Variants in ERC2 observed in about 807,000 individuals in gnomAD.
ERC2 encodes ELKS/RAB6-interacting/CAST family member 2, also known as ERC protein 2.
Under a neutral mutation model 114.8 loss-of-function variants are expected in ERC2, and 42 were observed. The ratio of observed to expected loss-of-function variants is 0.37; its 90% CI spans 0.29 to 0.47. The LOEUF (loss-of-function observed/expected upper bound fraction) is 0.47, where lower values mean the gene tolerates loss of function less well. Among genes scored for constraint, ERC2 ranks in the 20% least tolerant of loss-of-function variants. The pLI is 0.99. For synonymous variants in ERC2, 454 were observed against 425.5 expected (o/e 1.07, Z -0.82); for missense variants, 939 against 1,150.7 (o/e 0.82, Z 2.66).
At chr3:55,689,530 C>T (rs561291581) in intron 16 of ERC2, among the ~76,000 whole-genome samples, 5 of 152,246 alleles carry the variant, frequency 3.3e-5, no homozygotes, top group South Asian at 2.1e-4. Context: ...GCTTTATTTT[C>T]GCTCCTTCAT....
intron 12 of ERC2, 151 bp downstream of exon 12, chr3:55,985,826 T>C: frequency 1.5e-6 from 1 of 671,878 alleles, no homozygotes; most frequent in Non-Finnish European, 2.5e-6. Flanking sequence ...TTTCATAAAA[T>C]AAACCTTCCC....
At chr3:55,648,505 CT>C in intron 17 of ERC2, among the ~76,000 whole-genome samples, 1 of 152,330 alleles carries the variant, frequency 6.6e-6, no homozygotes, top group East Asian at 1.9e-4. Context: ...GATGACAGTT[CT>C]GTGGGAGCCA....
chr3:55,718,151 T>C (rs2064235571), intron 15 of ERC2, among the ~76,000 whole-genome samples: 2 of 152,190 alleles, frequency 1.3e-5, no homozygotes, highest in Non-Finnish European at 2.9e-5. Context: ...GAATTTATGA[T>C]GGATTTGTCC....
chr3:55,789,712 G>A (rs932077515), intron 14 of ERC2, among the ~76,000 whole-genome samples: 1 of 152,136 alleles, frequency 6.6e-6, no homozygotes, highest in African/African-American at 2.4e-5. Flanking sequence ...GAAGAGAAAG[G>A]CACTACAGAA....
In ERC2 at chr3:56,062,075, A is replaced by C. The variant is rs138751380; in HGVS notation, c.1641+18742T>G. On this transcript the variant is annotated intron_variant, in intron 7 of 17. Transcript: ENST00000288221. ...TTTTGTTCATTGGCTTATGCAATAA[A>C]AATAGATAACTATTTTATATAGATT... 5.8e-4 allele frequency among the ~76,000 whole-genome samples: 88 copies of C among 152,328 alleles called. No homozygotes were observed. The East Asian group carries it at 0.017, about 29-fold the overall frequency.
intron 16 of ERC2, among the ~76,000 whole-genome samples, chr3:55,693,638 CAG>C (rs925137953): frequency 2.0e-4 from 30 of 151,536 alleles, no homozygotes; most frequent in African/African-American, 5.6e-4. Context: ...ACTCACAAAA[CAG>C]AAGAATGGAA....
chr3:56,306,926 C>A (rs938809977), intron 2 of ERC2, among the ~76,000 whole-genome samples: 5 of 152,196 alleles, frequency 3.3e-5, no homozygotes, highest in African/African-American at 1.2e-4. Flanking sequence ...CAAATCATAA[C>A]TTCAGTGGCA....
intron 10 of ERC2, among the ~76,000 whole-genome samples, chr3:55,998,828 C>T (rs867455077): frequency 1.1e-4 from 17 of 151,992 alleles, no homozygotes; most frequent in South Asian, 6.2e-4. Flanking sequence ...TAAACACTTA[C>T]GTAAAATGTG....
intron 9 of ERC2, 65 bp downstream of exon 9, chr3:56,010,384 G>A: frequency 6.4e-7 from 1 of 1,551,844 alleles, no homozygotes; most frequent in South Asian, 1.2e-5. Flanking sequence ...CTAGTCTCTT[G>A]CAGCTTCATT....
chr3:56,077,169 T>C (rs747483360), intron 7 of ERC2, among the ~76,000 whole-genome samples: 18 of 152,192 alleles, frequency 1.2e-4, no homozygotes, highest in Non-Finnish European at 1.5e-4. Flanking sequence ...GCCCATTCGT[T>C]TTTGTATTAT....
chr3:55,909,932 G>C (rs1228023698), intron 13 of ERC2, among the ~76,000 whole-genome samples: 1 of 152,052 alleles, frequency 6.6e-6, no homozygotes, highest in East Asian at 1.9e-4. Flanking sequence ...TATTTATATT[G>C]AGAAGGCCTC....
chr3:55,992,577 A>G (rs570854262), intron 10 of ERC2, among the ~76,000 whole-genome samples: 1 of 152,196 alleles, frequency 6.6e-6, no homozygotes. Context: ...GTCATTTGAT[A>G]AGCAGACCTA....
At chr3:55,896,363 C>T (rs62253666) in intron 13 of ERC2, among the ~76,000 whole-genome samples, 15,587 of 152,244 alleles carry the variant, frequency 0.1, 984 homozygotes, top group African/African-American at 0.17. Flanking sequence ...CCTGGGGAAG[C>T]GCAGGTGGTG....
At chr3:55,856,568 G>A (rs1429687369) in intron 14 of ERC2, among the ~76,000 whole-genome samples, 2 of 152,104 alleles carry the variant, frequency 1.3e-5, no homozygotes, top group African/African-American at 4.8e-5. Context: ...ACATGTATAT[G>A]TCTCTGCGTG....
chr3:55,914,877 A>G (rs1163283492), intron 13 of ERC2, among the ~76,000 whole-genome samples: 3 of 152,164 alleles, frequency 2.0e-5, no homozygotes, highest in African/African-American at 7.2e-5. Context: ...CTAAGTGCTA[A>G]CCATACCAGC....
intron 4 of ERC2, among the ~76,000 whole-genome samples, chr3:56,153,855 A>G (rs2081557232): frequency 6.6e-6 from 1 of 152,202 alleles, no homozygotes; most frequent in South Asian, 2.1e-4. Flanking sequence ...TATCAGGCCA[A>G]GAAAGAAGAC....
At chr3:56,342,285 C>G (rs1425236244) in intron 2 of ERC2, among the ~76,000 whole-genome samples, 1 of 152,210 alleles carries the variant, frequency 6.6e-6, no homozygotes, top group Non-Finnish European at 1.5e-5. Flanking sequence ...TAAATTCATA[C>G]AATGAAATAC....
chr3:55,790,262 T>C (rs1158028735), intron 14 of ERC2, among the ~76,000 whole-genome samples: 1 of 152,154 alleles, frequency 6.6e-6, no homozygotes, highest in Non-Finnish European at 1.5e-5. Context: ...ACCTCCCTCA[T>C]GGCCTTCATT....
At chr3:56,310,491 G>C (rs1280614090) in intron 2 of ERC2, among the ~76,000 whole-genome samples, 1 of 152,150 alleles carries the variant, frequency 6.6e-6, no homozygotes, top group African/African-American at 2.4e-5. Context: ...TTTCAGAATT[G>C]TAAGATGTCT....
Sources: gnomAD v4.1 joint callset for allele counts (sites outside exome capture counted in the v4.1 genomes callset) on GRCh38, gnomAD v4.1.1 for gene constraint, MANE v1.5 for transcripts, NCBI Gene and HGNC (gene_info 2026-07-23, HGNC 2026-07-21) for gene names.